Variants in ARMH4 observed in about 807,000 individuals in gnomAD.
ARMH4 encodes armadillo like helical domain containing 4.
ARMH4 carries 49 observed loss-of-function variants against 61.9 expected under a neutral mutation model. The ratio of observed to expected loss-of-function variants is 0.79; its 90% CI spans 0.63 to 1.00. The LOEUF (loss-of-function observed/expected upper bound fraction) is 1.00, where lower values mean the gene tolerates loss of function less well. Ranked by LOEUF, ARMH4 falls within the 50% of genes least tolerant of loss-of-function variation. ARMH4 has a pLI of 0.00. For synonymous variants in ARMH4, 368 were observed against 341.5 expected (o/e 1.08, Z -0.85); for missense variants, 934 against 930.0 (o/e 1.00, Z -0.06).
intron 5 of ARMH4, among the ~76,000 whole-genome samples, chr14:58,043,072 G>C (rs139642956): frequency 0.013 from 2,034 of 152,218 alleles, 36 homozygotes; most frequent in East Asian, 0.081. Flanking sequence ...CCAATCAATA[G>C]AAAAAGAGGG....
At chr14:58,134,219 C>G (rs1245942707) in intron 2 of ARMH4, among the ~76,000 whole-genome samples, 1 of 152,164 alleles carries the variant, frequency 6.6e-6, no homozygotes, top group East Asian at 1.9e-4. Flanking sequence ...GCACCCTTAA[C>G]CACTGTACTA....
chr14:58,121,107 T>G (rs999477752), intron 4 of ARMH4, among the ~76,000 whole-genome samples: 1 of 152,204 alleles, frequency 6.6e-6, no homozygotes, highest in Non-Finnish European at 1.5e-5. Flanking sequence ...CATTTCTGTT[T>G]TGTAGATATC....
In ARMH4 at chr14:58,034,176, G is replaced by C. The variant is rs886178867; in HGVS notation, c.2090-22026C>G. 1.1e-4 allele frequency among the ~76,000 whole-genome samples: 15 copies of C among 137,266 alleles called. 1 individual carries two copies. Among genetic ancestry groups the C allele is most frequent in the African/African-American group, 4.1e-4 (15 of 36,762 alleles). 90.1% of individuals were successfully genotyped at this position (137,266 alleles called of 152,430 possible). On this transcript the variant is annotated intron_variant, in intron 5 of 7. Transcript: ENST00000267485. ...GAGAAAGGTCGGGTTACCCTCAAAG[G>C]AAAGCCCATCAGACTAATAGCGGAT... is the stretch of plus-strand genomic sequence containing the variant.
chr14:58,121,590 C>T (rs1043116725), intron 4 of ARMH4, among the ~76,000 whole-genome samples: 1 of 152,202 alleles, frequency 6.6e-6, no homozygotes, highest in Middle Eastern at 3.2e-3. Context: ...GCATTATTAG[C>T]AAACGTGATG....
chr14:58,135,821 TTTAAG>T (rs2139970325), intron 2 of ARMH4, among the ~76,000 whole-genome samples: 1 of 152,254 alleles, frequency 6.6e-6, no homozygotes, highest in South Asian at 2.1e-4. Flanking sequence ...ATGATTAGCA[TTTAAG>T]TTGTTTACTT....
rs577705074 is a variant in ARMH4 at position 58,008,735 on chromosome 14, T to C, written c.2121+3384A>G. 6.6e-5 allele frequency among the ~76,000 whole-genome samples: 10 copies of C among 152,272 alleles called. No individual in the cohort carries two copies. In the East Asian group the frequency reaches 1.3e-3, roughly 21 times the overall value. ...GAGTTCCTGGGAGGTATGTCTATGG[T>C]GGAGTCTGAGAATTTGCATATCCAA... is the stretch of plus-strand genomic sequence containing the variant. On this transcript the variant is annotated intron_variant, in intron 6 of 7. Coordinates refer to ENST00000267485, the MANE Select transcript of ARMH4 (RefSeq NM_001001872.4).
chr14:58,066,006 C>T (rs1566564495), intron 5 of ARMH4, among the ~76,000 whole-genome samples: 1 of 152,180 alleles, frequency 6.6e-6, no homozygotes, highest in Non-Finnish European at 1.5e-5. Context: ...TTAGGAGGAG[C>T]CTCCACTGAT....
At chr14:58,007,491 T>G (rs1882223462) in intron 6 of ARMH4, among the ~76,000 whole-genome samples, 1 of 152,222 alleles carries the variant, frequency 6.6e-6, no homozygotes, top group Non-Finnish European at 1.5e-5. Flanking sequence ...TACATCTCTC[T>G]TTTTTGTCTC....
chr14:58,042,855 T>C (rs983344159), intron 5 of ARMH4, among the ~76,000 whole-genome samples: 3 of 152,066 alleles, frequency 2.0e-5, no homozygotes, highest in Non-Finnish European at 2.9e-5. Flanking sequence ...AAGAAATGGA[T>C]AAATTCCTAG....
chr14:58,080,894 G>C (rs566858932), intron 5 of ARMH4, among the ~76,000 whole-genome samples: 4 of 152,202 alleles, frequency 2.6e-5, no homozygotes, highest in African/African-American at 9.6e-5. Flanking sequence ...TTGAGGCCAG[G>C]AGTTTAAGAC....
chr14:58,028,629 T>C (rs4901836), intron 5 of ARMH4, among the ~76,000 whole-genome samples: 35,333 of 152,144 alleles, frequency 0.23, 4,660 homozygotes, highest in Non-Finnish European at 0.3. Context: ...CTTGATGCCA[T>C]GTTGGTGTTA....
intron 5 of ARMH4, among the ~76,000 whole-genome samples, chr14:58,038,695 T>A (rs1458715947): frequency 1.3e-5 from 2 of 152,152 alleles, no homozygotes; most frequent in African/African-American, 4.8e-5. Context: ...ACTACTATAG[T>A]TTCAAAGTAG....
At chr14:58,076,813 G>A (rs1885062507) in intron 5 of ARMH4, among the ~76,000 whole-genome samples, 1 of 152,160 alleles carries the variant, frequency 6.6e-6, no homozygotes, top group Non-Finnish European at 1.5e-5. Context: ...CTGCTTGAGT[G>A]TTCATGAGCT....
chr14:58,131,223 T>A, intron 4 of ARMH4: 1 of 335,718 alleles, frequency 3.0e-6, no homozygotes, highest in Non-Finnish European at 5.5e-6. Flanking sequence ...TGTTCCAATA[T>A]AGCTTTATTT....
chr14:58,012,149 C>T lies in ARMH4; in HGVS notation c.2091G>A (p.Val697=). 7.1e-7 allele frequency: 1 copy of T among 1,400,782 alleles called. No individual in the cohort carries two copies. The allele number at this position is 1,400,782 out of a possible 1,614,324, so 86.8% of individuals were successfully genotyped here. A position where few individuals can be genotyped will look rare whatever the true frequency, so the allele number is the denominator to read the frequency against. Residue 697 remains valine (V), a splice_region_variant and synonymous_variant, in exon 6 of 8, where the codon GTG becomes GTA. Coordinates refer to ENST00000267485, the MANE Select transcript of ARMH4 (RefSeq NM_001001872.4). ...CTTTTAATTTTTCCATCCAGCTTCT[C>T]ACTAGGAAAAAAATAAGATAATAAA... ...LEWEQQNQGL[V]RSWMEKLKDK...
intron 4 of ARMH4, among the ~76,000 whole-genome samples, chr14:58,097,472 T>C (rs1247706307): frequency 6.6e-6 from 1 of 152,136 alleles, no homozygotes; most frequent in African/African-American, 2.4e-5. Flanking sequence ...AAATGGTAAG[T>C]GAGGAGCACA....
intron 1 of ARMH4, among the ~76,000 whole-genome samples, chr14:58,148,513 A>T (rs1887820767): frequency 6.6e-6 from 1 of 152,146 alleles, no homozygotes; most frequent in Non-Finnish European, 1.5e-5. Flanking sequence ...CTCAAATGAG[A>T]TTATGTTCTT....
intron 1 of ARMH4, among the ~76,000 whole-genome samples, chr14:58,147,755 T>C (rs953201896): frequency 1.3e-5 from 2 of 152,174 alleles, no homozygotes; most frequent in African/African-American, 4.8e-5. Flanking sequence ...ATACTGTCGT[T>C]ATTCCACTTT....
At chr14:58,038,575 AAG>A (rs945810567) in intron 5 of ARMH4, among the ~76,000 whole-genome samples, 74 of 151,774 alleles carry the variant, frequency 4.9e-4, no homozygotes, top group African/African-American at 1.5e-3. Context: ...AAAAAAAAAA[AAG>A]AAATACTTAA....
Sources: gnomAD v4.1 joint callset for allele counts (sites outside exome capture counted in the v4.1 genomes callset) on GRCh38, gnomAD v4.1.1 for gene constraint, MANE v1.5 for transcripts, NCBI Gene and HGNC (gene_info 2026-07-23, HGNC 2026-07-21) for gene names.